Variants in TIMP2 observed in about 807,000 individuals in gnomAD.
TIMP2 encodes TIMP metallopeptidase inhibitor 2.
A neutral mutation model predicts 24.3 loss-of-function variants in TIMP2; 5 were observed. The observed-to-expected ratio is 0.21, with a 90% CI of 0.11 to 0.43. The LOEUF (loss-of-function observed/expected upper bound fraction) is 0.43. Among genes scored for constraint, TIMP2 ranks in the 20% least tolerant of loss-of-function variants. TIMP2 has a pLI of 1.00. For missense variants in TIMP2, 221 were observed against 297.5 expected, an observed-to-expected ratio of 0.74 and a Z score of 1.89; for synonymous variants, 130 against 123.2, an observed-to-expected ratio of 1.06 and a Z score of -0.37.
At chr17:78,914,440 G>A (rs979353350) in intron 1 of TIMP2, among the ~76,000 whole-genome samples, 3 of 151,780 alleles carry the variant, frequency 2.0e-5, no homozygotes, top group Non-Finnish European at 4.4e-5. Flanking sequence ...CCGCCACCAT[G>A]CCCGGCTAAT....
At chr17:78,901,943 C>A in intron 1 of TIMP2, 1 of 602,968 alleles carries the variant, frequency 1.7e-6, no homozygotes, top group African/African-American at 1.9e-5. Flanking sequence ...GCATCCGAAC[C>A]AAGCCCAGAT....
Position 78,891,580 on chromosome 17 carries a change from G to T in TIMP2, c.131-17661C>A, listed in dbSNP as rs146557082. 1,406 of 1,550,818 alleles carry T rather than the reference G, an allele frequency of 9.1e-4. 13 individuals carry two copies. In the African/African-American group the frequency reaches 0.016, roughly 17 times the overall value. Reference sequence around the variant, plus strand: ...TGGAATCAGCTGGCCACAGCTGCCCGAGGTCTCTCAGCTTCCCCTCCAGAC... The same window carrying T: ...TGGAATCAGCTGGCCACAGCTGCCCTAGGTCTCTCAGCTTCCCCTCCAGAC... On this transcript the variant is annotated intron_variant, in intron 1 of 4. Transcript: ENST00000262768. This position sits in a 1 kb window ranked among gnomAD's most constrained non-coding sequence, Gnocchi z 4.5.
At position 78,911,434 on chromosome 17, in the gene TIMP2, T is replaced by G. The variant is rs541372233; in HGVS notation, c.130+13525A>C. On this transcript the variant is annotated intron_variant, in intron 1 of 4. Transcript: ENST00000262768. Reference sequence around the variant, plus strand: ...CAGTGCTTTTGTTGTTTTTGTTTTTTGTTTTTTGTTTTTTGAGACAGAGTC... The same window carrying G: ...CAGTGCTTTTGTTGTTTTTGTTTTTGGTTTTTTGTTTTTTGAGACAGAGTC... 8.3e-3 allele frequency among the ~76,000 whole-genome samples: 1,263 copies of G among 152,118 alleles called. 15 individuals carry two copies. The highest frequency in any genetic ancestry group is 0.029 in the African/African-American group (1,206 of 41,504).
In TIMP2 at chr17:78,855,619, C is replaced by T. The variant is rs773699815; in HGVS notation, c.*48G>A. The T allele has an allele frequency of 6.2e-7, 1 of 1,604,060 alleles. No individual in the cohort carries two copies. The highest frequency in any genetic ancestry group is 2.2e-5 in the East Asian group (1 of 44,762). ...ATGTCAGAGCTGGACCAGTCGAAAC[C>T]CTTGGAGGCTTTTTTTGCAGTTGGC... On this transcript the variant is annotated 3_prime_UTR_variant, in exon 5 of 5. Transcript: ENST00000262768. The surrounding 1 kb of genome is among the most constrained non-coding windows in gnomAD (Gnocchi z 6.0).
chr17:78,867,406 T>C (rs2069626256), intron 3 of TIMP2, among the ~76,000 whole-genome samples: 1 of 152,022 alleles, frequency 6.6e-6, no homozygotes, highest in Non-Finnish European at 1.5e-5. Flanking sequence ...TGTGAGCATG[T>C]TAAGGAAGGG....
intron 1 of TIMP2, among the ~76,000 whole-genome samples, chr17:78,908,609 G>A (rs948398046): frequency 1.3e-5 from 2 of 152,146 alleles, no homozygotes; most frequent in African/African-American, 2.4e-5. Context: ...GCAAGTCATC[G>A]GCTGCTCCCC....
At chr17:78,901,938 C>T (rs1002763316) in intron 1 of TIMP2, 15 of 603,788 alleles carry the variant, frequency 2.5e-5, no homozygotes, top group African/African-American at 3.7e-5. Context: ...TGGAGGCATC[C>T]GAACCAAGCC....
At chr17:78,913,995 T>C (rs1243370684) in intron 1 of TIMP2, among the ~76,000 whole-genome samples, 1 of 151,980 alleles carries the variant, frequency 6.6e-6, no homozygotes, top group Non-Finnish European at 1.5e-5. Context: ...CACATATAGT[T>C]GTGTAATTAT....
rs1322120635 is a variant in TIMP2 at position 78,924,372 on chromosome 17, C to G, written c.130+587G>C. Among the ~76,000 whole-genome samples the G allele has an allele frequency of 1.3e-5, 2 of 152,224 alleles. No individual in the cohort carries two copies. Among genetic ancestry groups the G allele is most frequent in the Non-Finnish European group, 2.9e-5 (2 of 68,038 alleles). ...TGGGCAGGGCGCAAGCAAGGAGCCA[C>G]GCCAGGAGACGCCACCGGCTTTTTC... On this transcript the variant is annotated intron_variant, in intron 1 of 4. Transcript: ENST00000262768. The surrounding 1 kb of genome is among the most constrained non-coding windows in gnomAD (Gnocchi z 5.3).
chr17:78,913,109 C>T (rs7503017), intron 1 of TIMP2, among the ~76,000 whole-genome samples: 1 of 152,146 alleles, frequency 6.6e-6, no homozygotes, highest in South Asian at 2.1e-4. Flanking sequence ...AACAGGCCAT[C>T]AGCCCAGCAG....
rs1054753209 is a variant in TIMP2 at position 78,896,624 on chromosome 17, C to T, written c.131-22705G>A. On this transcript the variant is annotated intron_variant, in intron 1 of 4. Coordinates refer to ENST00000262768, the MANE Select transcript of TIMP2 (RefSeq NM_003255.5). The surrounding 1 kb of genome is among the most constrained non-coding windows in gnomAD (Gnocchi z 4.4). ...TTCTACTCCCCTGCTGCCCTCTGGT[C>T]CTGCCACCCCGAGCTGACAAGCCTG... Among the ~76,000 whole-genome samples the T allele has an allele frequency of 1.1e-4, 17 of 152,138 alleles. No individual in the cohort carries two copies. The highest frequency in any genetic ancestry group is 3.6e-4 in the African/African-American group (15 of 41,446).
Position 78,886,064 on chromosome 17 carries a change from CTAGT to C in TIMP2, c.131-12149_131-12146del, listed in dbSNP as rs1468090676. ...CTGTTTTAGTGCCCACACCAATGCC[CTAGT>C]TAAAGAACCACCCTGTCCCCTTAGC... On this transcript the variant is annotated intron_variant, in intron 1 of 4. Transcript: ENST00000262768. Among the ~76,000 whole-genome samples the C allele has an allele frequency of 3.3e-5, 5 of 152,248 alleles. 1 individual carries two copies. Among genetic ancestry groups the C allele is most frequent in the African/African-American group, 4.8e-5 (2 of 41,544 alleles).
chr17:78,868,230 ATTGTC>A (rs1246481396), intron 3 of TIMP2, among the ~76,000 whole-genome samples: 1 of 151,996 alleles, frequency 6.6e-6, no homozygotes, highest in Admixed American at 6.6e-5. Flanking sequence ...GGCTAGGGGA[ATTGTC>A]TTGTCTCTTC....
chr17:78,880,140 T>G (rs1260930305), intron 1 of TIMP2, among the ~76,000 whole-genome samples: 1 of 151,890 alleles, frequency 6.6e-6, no homozygotes, highest in Non-Finnish European at 1.5e-5. Context: ...GGCGGCACTC[T>G]CCACAGACTC....
chr17:78,921,949 G>A (rs891073309), intron 1 of TIMP2, among the ~76,000 whole-genome samples: 4 of 152,226 alleles, frequency 2.6e-5, no homozygotes, highest in African/African-American at 9.6e-5. Flanking sequence ...TAACAAGGCT[G>A]CATGCAGCCA....
At position 78,891,945 on chromosome 17, in the gene TIMP2, G is replaced by A. The variant is rs2069904188; in HGVS notation, c.131-18026C>T. The stretch of plus-strand genomic sequence containing the variant: ...CGGGGCCTGGAGTGCCTGGGGTGTT[G>A]CTGGCCCAACTCTTCCCTGCAACTC... On this transcript the variant is annotated intron_variant, in intron 1 of 4. Coordinates refer to ENST00000262768, the MANE Select transcript of TIMP2 (RefSeq NM_003255.5). The surrounding 1 kb of genome is among the most constrained non-coding windows in gnomAD (Gnocchi z 4.5). 1.9e-6 allele frequency: 3 copies of A among 1,550,578 alleles called. No homozygotes were observed. Among genetic ancestry groups the A allele is most frequent in the Non-Finnish European group, 2.6e-6 (3 of 1,147,004 alleles).
intron 1 of TIMP2, among the ~76,000 whole-genome samples, chr17:78,916,742 A>G (rs1371462085): frequency 2.0e-5 from 3 of 152,096 alleles, no homozygotes; most frequent in Non-Finnish European, 4.4e-5. Context: ...TCCCACTGCC[A>G]GGTCCCACTG....
At chr17:78,918,577 C>T (rs1433687246) in intron 1 of TIMP2, among the ~76,000 whole-genome samples, 1 of 152,214 alleles carries the variant, frequency 6.6e-6, no homozygotes, top group Non-Finnish European at 1.5e-5. Context: ...AATCTCAGGG[C>T]AGCTCATCTG....
chr17:78,910,482 C>A (rs779563966), intron 1 of TIMP2, among the ~76,000 whole-genome samples: 3 of 152,180 alleles, frequency 2.0e-5, no homozygotes, highest in Non-Finnish European at 4.4e-5. Flanking sequence ...TGTGGGCCAC[C>A]GCCTGGCCTA....
Sources: allele counts gnomAD v4.1 joint callset (sites outside exome capture counted in the v4.1 genomes callset), GRCh38; gene constraint gnomAD v4.1.1; non-coding constraint Gnocchi (gnomAD v3.1); transcripts MANE v1.5; gene names NCBI Gene and HGNC (gene_info 2026-07-23, HGNC 2026-07-21).